TMOD1: variants seen among roughly 807,000 people sequenced by gnomAD.
TMOD1 encodes the protein tropomodulin 1.
A neutral mutation model predicts 40.6 loss-of-function variants in TMOD1; 17 were observed. That is an observed-to-expected ratio of 0.42 (90% CI 0.29 to 0.63). TMOD1 has a LOEUF of 0.63. Among genes scored for constraint, TMOD1 ranks in the 20% least tolerant of loss-of-function variants. TMOD1 has a pLI of 0.22. For synonymous variants in TMOD1, 181 were observed against 175.0 expected, an observed-to-expected ratio of 1.03 and a Z score of -0.27; for missense variants, 391 against 447.6, an observed-to-expected ratio of 0.87 and a Z score of 1.14.
At chr9:97,591,117 C>T (rs567766030) in intron 8 of TMOD1, among the ~76,000 whole-genome samples, 174 bp from the exon 9 acceptor site, 2 of 152,260 alleles carry the variant, frequency 1.3e-5, no homozygotes, top group African/African-American at 4.8e-5. Flanking sequence ...CTCATTTGCT[C>T]CTGGCCGTGT....
At position 97,560,587 on chromosome 9, in the gene TMOD1, C is replaced by A. The variant is rs187238150; in HGVS notation, c.398-2145C>A. On this transcript the variant is annotated intron_variant, in intron 4 of 9. Transcript: ENST00000259365. ...CAAGAAGTCAGGAGTTCAAGACCAA[C>A]CTGGCCAAGTTGGTGAAACCCTGTC... Among the ~76,000 whole-genome samples, 313 of 151,642 alleles carry A rather than the reference C, an allele frequency of 2.1e-3. 1 individual carries two copies. Among genetic ancestry groups the A allele is most frequent in the African/African-American group, 7.4e-3 (304 of 41,266 alleles).
chr9:97,580,503 G>A lies in TMOD1; in HGVS notation c.871-10788G>A, dbSNP rs144145022. On this transcript the variant is annotated intron_variant, in intron 8 of 9. Coordinates refer to ENST00000259365, the MANE Select transcript of TMOD1 (RefSeq NM_003275.4). ...TGCTTGTAGTCCCAGCTACTTGGGA[G>A]GCTGAGTCAGGAGAATCACTTGAAC... is the stretch of plus-strand genomic sequence containing the variant. Among the ~76,000 whole-genome samples the A allele has an allele frequency of 5.0e-3, 759 of 152,276 alleles. 3 individuals carry two copies. The highest frequency in any genetic ancestry group is 0.017 in the African/African-American group (727 of 41,558).
At chr9:97,597,559 A>G (rs549445903) in intron 9 of TMOD1, among the ~76,000 whole-genome samples, 90 of 152,144 alleles carry the variant, frequency 5.9e-4, no homozygotes, top group African/African-American at 2.1e-3. Flanking sequence ...TTAGCTGGGC[A>G]TGGCAGTGCA....
intron 8 of TMOD1, among the ~76,000 whole-genome samples, chr9:97,584,045 T>C (rs1281811273): frequency 6.6e-6 from 1 of 151,448 alleles, no homozygotes; most frequent in Non-Finnish European, 1.5e-5. Flanking sequence ...TTCTGCTAGC[T>C]TTTGAATGTG....
chr9:97,582,468 G>C (rs1221110856), intron 8 of TMOD1, among the ~76,000 whole-genome samples: 4 of 147,460 alleles, frequency 2.7e-5, no homozygotes, highest in Admixed American at 1.3e-4. Context: ...GCTTAGGATT[G>C]ACTTGGCGAT....
intron 2 of TMOD1, among the ~76,000 whole-genome samples, chr9:97,528,566 C>T (rs771243504): frequency 2.0e-5 from 3 of 152,198 alleles, no homozygotes; most frequent in South Asian, 2.1e-4. Context: ...ATGTGAGCTT[C>T]GAAAAGGCCT....
intron 6 of TMOD1, among the ~76,000 whole-genome samples, chr9:97,565,317 G>A (rs1046239071): frequency 6.6e-6 from 1 of 152,124 alleles, no homozygotes; most frequent in African/African-American, 2.4e-5. Context: ...GTTCTGGGCC[G>A]GCCCAAGCAT....
intron 8 of TMOD1, among the ~76,000 whole-genome samples, chr9:97,579,228 A>G (rs1399975435): frequency 6.6e-6 from 1 of 152,106 alleles, no homozygotes; most frequent in African/African-American, 2.4e-5. Context: ...GTGCTTGTCC[A>G]TTTGGATGCT....
intron 1 of TMOD1, among the ~76,000 whole-genome samples, chr9:97,518,282 G>GA (rs55650955): frequency 3.9e-5 from 6 of 152,030 alleles, no homozygotes; most frequent in Non-Finnish European, 8.8e-5. Flanking sequence ...ACACTGCGAA[G>GA]AAAAAAACAG....
intron 2 of TMOD1, among the ~76,000 whole-genome samples, chr9:97,531,033 A>ACCTCCCCCCC (rs1830092696): frequency 1.3e-5 from 1 of 78,260 alleles, no homozygotes; most frequent in Non-Finnish European, 2.4e-5. Flanking sequence ...GGTGATCCAC[A>ACCTCCCCCCC]CCCACCCCCC....
At chr9:97,547,943 C>T (rs897747107) in intron 3 of TMOD1, among the ~76,000 whole-genome samples, 3 of 152,100 alleles carry the variant, frequency 2.0e-5, no homozygotes, top group Admixed American at 6.6e-5. Context: ...AATGGATGAG[C>T]TAAAATTAAA....
rs532196976 is a variant in TMOD1 at position 97,538,840 on chromosome 9, C to CAAA, written c.121-7332_121-7330dup. 8.6e-4 allele frequency among the ~76,000 whole-genome samples: 109 copies of CAAA among 127,112 alleles called. 2 individuals carry two copies. Among genetic ancestry groups the CAAA allele is most frequent in the African/African-American group, 2.6e-3 (92 of 35,312 alleles). 83.4% of individuals were successfully genotyped at this position (127,112 alleles called of 152,430 possible). A position where few individuals can be genotyped will look rare whatever the true frequency, so the allele number is the denominator to read the frequency against. The stretch of plus-strand genomic sequence containing the variant: ...TGAAACCCCATCTCTACTAAAAATA[C>CAAA]AAAAAAAAAAAAAAATTAGCCGGGC... On this transcript the variant is annotated intron_variant, in intron 2 of 9. Coordinates refer to ENST00000259365, the MANE Select transcript of TMOD1 (RefSeq NM_003275.4).
intron 3 of TMOD1, among the ~76,000 whole-genome samples, chr9:97,548,619 C>G (rs185400757): frequency 4.0e-4 from 61 of 152,256 alleles, no homozygotes; most frequent in Middle Eastern, 3.4e-3. Flanking sequence ...GGAAGGGAGT[C>G]TGAACGGTAC....
chr9:97,588,373 T>C (rs1167861076), intron 8 of TMOD1, among the ~76,000 whole-genome samples: 1 of 152,242 alleles, frequency 6.6e-6, no homozygotes, highest in South Asian at 2.1e-4. Context: ...CATATATTTA[T>C]TTGCCATTTT....
At chr9:97,517,060 G>A (rs1476146784) in intron 1 of TMOD1, among the ~76,000 whole-genome samples, 2 of 152,086 alleles carry the variant, frequency 1.3e-5, no homozygotes, top group Admixed American at 6.5e-5. Flanking sequence ...GGGGTGGGGA[G>A]GAGAGGCCAG....
chr9:97,553,939 A>G (rs1830493128), intron 4 of TMOD1, among the ~76,000 whole-genome samples: 1 of 152,206 alleles, frequency 6.6e-6, no homozygotes, highest in African/African-American at 2.4e-5. Flanking sequence ...CCAAAACTCC[A>G]GAAGGTGGCC....
rs2131264958 is a variant in TMOD1, at chr9:97,562,783, T to A, written c.449T>A (p.Leu150Gln). 1 of 1,586,114 alleles carries A rather than the reference T, an allele frequency of 6.3e-7. No individual in the cohort carries two copies. Among genetic ancestry groups the A allele is most frequent in the Non-Finnish European group, 8.6e-7 (1 of 1,169,422 alleles). ...AGTAACCAGCAGTACTACCAGGCCCTGAGCAGCAGCTCCATCATGAACAAG... is the reference window on the plus strand; with the variant it reads ...AGTAACCAGCAGTACTACCAGGCCCAGAGCAGCAGCTCCATCATGAACAAG... Reference protein sequence around the residue: ...LMSNQQYYQALSSSSIMNKEG... With the variant: ...LMSNQQYYQAQSSSSIMNKEG... Residue 150 changes from leucine (L) to glutamine (Q), a missense_variant, in exon 5 of 10, where the codon CTG becomes CAG. Coordinates refer to ENST00000259365, the MANE Select transcript of TMOD1 (RefSeq NM_003275.4).
chr9:97,525,409 C>G (rs1211852511), intron 2 of TMOD1, among the ~76,000 whole-genome samples: 2 of 152,194 alleles, frequency 1.3e-5, no homozygotes, highest in African/African-American at 4.8e-5. Flanking sequence ...GGAGGAAGTA[C>G]TCATGACAAT....
chr9:97,571,693 A>G (rs1007554220), intron 8 of TMOD1, among the ~76,000 whole-genome samples: 3 of 152,218 alleles, frequency 2.0e-5, no homozygotes, highest in African/African-American at 7.2e-5. Context: ...GCCACACAAG[A>G]AGCAAGAGGG....
Sources: allele counts gnomAD v4.1 joint callset (sites outside exome capture counted in the v4.1 genomes callset), GRCh38; gene constraint gnomAD v4.1.1; transcripts MANE v1.5; gene names NCBI Gene and HGNC (gene_info 2026-07-23, HGNC 2026-07-21).